PPFIA2: variants seen among roughly 807,000 people sequenced by gnomAD.
PPFIA2 encodes PPFI scaffold protein A2, also known as liprin-alpha-2.
Under a neutral mutation model 175.5 loss-of-function variants are expected in PPFIA2, and 46 were observed. That is an observed-to-expected ratio of 0.26 (90% CI 0.21 to 0.34). PPFIA2 has a LOEUF of 0.34. Among genes scored for constraint, PPFIA2 ranks in the 10% least tolerant of loss-of-function variants. The pLI is 1.00. For missense variants in PPFIA2, 1,179 were observed against 1,506.1 expected (o/e 0.78, Z 3.60); for synonymous variants, 568 against 511.4 (o/e 1.11, Z -1.49).
At chr12:81,620,029 G>A (rs947239105) in intron 4 of PPFIA2, among the ~76,000 whole-genome samples, 7 of 151,654 alleles carry the variant, frequency 4.6e-5, no homozygotes, top group Non-Finnish European at 1.0e-4. Context: ...GCGTGATGGC[G>A]GGTGCCTGTA....
intron 8 of PPFIA2, among the ~76,000 whole-genome samples, chr12:81,398,911 C>T (rs2041652452): frequency 6.6e-6 from 1 of 151,922 alleles, no homozygotes; most frequent in African/African-American, 2.4e-5. Context: ...AAAAATTGTA[C>T]ACAACAATAT....
intron 4 of PPFIA2, among the ~76,000 whole-genome samples, chr12:81,631,627 G>A (rs1207116264): frequency 6.6e-6 from 1 of 152,146 alleles, no homozygotes; most frequent in Non-Finnish European, 1.5e-5. Flanking sequence ...TCTAACTCAA[G>A]AATTCTAGAA....
chr12:81,602,736 T>C (rs185165844), intron 4 of PPFIA2, among the ~76,000 whole-genome samples: 152 of 151,914 alleles, frequency 1.0e-3, no homozygotes, highest in African/African-American at 3.3e-3. Flanking sequence ...ACAGTTAAGA[T>C]TCATGAGAAA....
intron 4 of PPFIA2, chr12:81,472,675 A>C (rs1345680773): frequency 6.6e-6 from 1 of 152,212 alleles, no homozygotes; most frequent in Non-Finnish European, 1.5e-5. Context: ...TTCTTTTAAC[A>C]TCAATAGCAT....
chr12:81,675,028 T>A (rs1193858604), intron 4 of PPFIA2, among the ~76,000 whole-genome samples: 1 of 151,964 alleles, frequency 6.6e-6, no homozygotes, highest in East Asian at 1.9e-4. Context: ...TACAAAATGT[T>A]ATAAAATAAG....
chr12:81,409,597 T>C (rs2043547509), intron 7 of PPFIA2, among the ~76,000 whole-genome samples: 1 of 152,154 alleles, frequency 6.6e-6, no homozygotes, highest in Admixed American at 6.6e-5. Context: ...GCCAGTGTCA[T>C]GCCTTGGACT....
intron 3 of PPFIA2, among the ~76,000 whole-genome samples, chr12:81,742,847 T>C (rs895306231): frequency 3.6e-4 from 55 of 152,240 alleles, no homozygotes; most frequent in African/African-American, 1.3e-3. Context: ...TGGGCTATCC[T>C]AATGCCAAAT....
chr12:81,493,205 G>C (rs1242939067), intron 4 of PPFIA2, among the ~76,000 whole-genome samples: 2 of 152,022 alleles, frequency 1.3e-5, no homozygotes, highest in Non-Finnish European at 2.9e-5. Context: ...TCTGGAGTTT[G>C]GGAGAAGGGT....
intron 3 of PPFIA2, among the ~76,000 whole-genome samples, chr12:81,698,817 T>C (rs965870870): frequency 2.6e-5 from 4 of 151,698 alleles, no homozygotes; most frequent in African/African-American, 9.7e-5. Context: ...AACAAAAAGG[T>C]TCATTGATTT....
Position 81,268,684 on chromosome 12 carries a change from A to T in PPFIA2, c.3311-597T>A, listed in dbSNP as rs11831628. Among the ~76,000 whole-genome samples, 369 of 152,324 alleles carry T rather than the reference A, an allele frequency of 2.4e-3. 2 individuals are homozygous for T. Among genetic ancestry groups the T allele is most frequent in the African/African-American group, 8.6e-3 (357 of 41,570 alleles). ...CGATGTCTGTGTTTCTTGTTTTCAT[A>T]CTAGAGAACTAGGTGTCTGTCTGAA... On this transcript the variant is annotated intron_variant, in intron 28 of 32. Transcript: ENST00000549396.
chr12:81,495,227 T>C (rs1323186275), intron 4 of PPFIA2, among the ~76,000 whole-genome samples: 1 of 152,144 alleles, frequency 6.6e-6, no homozygotes, highest in African/African-American at 2.4e-5. Flanking sequence ...ATCTAAAATT[T>C]GTTATTCTAT....
chr12:81,297,764 C>A (rs1253981815), intron 23 of PPFIA2, among the ~76,000 whole-genome samples: 1 of 152,018 alleles, frequency 6.6e-6, no homozygotes, highest in Non-Finnish European at 1.5e-5. Flanking sequence ...CATAATTAGA[C>A]CTTAAAGAGT....
intron 4 of PPFIA2, among the ~76,000 whole-genome samples, chr12:81,582,546 T>C (rs1198809359): frequency 1.3e-5 from 2 of 151,792 alleles, no homozygotes; most frequent in African/African-American, 2.4e-5. Context: ...GTTTAGCTTA[T>C]AAAAAACACT....
chr12:81,395,953 T>G (rs1021662455), intron 8 of PPFIA2, among the ~76,000 whole-genome samples: 1 of 152,048 alleles, frequency 6.6e-6, no homozygotes, highest in African/African-American at 2.4e-5. Context: ...TAAATGGCAG[T>G]TATATCCATA....
chr12:81,592,890 T>C (rs2058831060), intron 4 of PPFIA2, among the ~76,000 whole-genome samples: 1 of 151,204 alleles, frequency 6.6e-6, no homozygotes, highest in African/African-American at 2.4e-5. Context: ...CAAGTAGCTT[T>C]GACCACAGGT....
chr12:81,720,705 C>G (rs2079199669), intron 3 of PPFIA2, among the ~76,000 whole-genome samples: 2 of 151,346 alleles, frequency 1.3e-5, no homozygotes, highest in Non-Finnish European at 3.0e-5. Context: ...TGTACAAACA[C>G]CTTATCAATT....
intron 4 of PPFIA2, among the ~76,000 whole-genome samples, chr12:81,508,101 C>T (rs1302048648): frequency 6.6e-6 from 1 of 152,084 alleles, no homozygotes; most frequent in Non-Finnish European, 1.5e-5. Context: ...GGGGCATTAA[C>T]TTTATTATAG....
intron 4 of PPFIA2, among the ~76,000 whole-genome samples, chr12:81,479,973 G>A (rs1443958850): frequency 6.6e-6 from 1 of 152,130 alleles, no homozygotes; most frequent in Non-Finnish European, 1.5e-5. Context: ...GGTTGGGGAA[G>A]TTCTCCTGGA....
intron 32 of PPFIA2, 147 bp from the exon 33 acceptor site, chr12:81,259,807 C>T (rs2034754245): frequency 5.3e-6 from 3 of 566,982 alleles, no homozygotes; most frequent in Non-Finnish European, 3.0e-6. Flanking sequence ...ATGTAGCCAA[C>T]AGCCGTATGT....
Sources: allele counts gnomAD v4.1 joint callset (sites outside exome capture counted in the v4.1 genomes callset), GRCh38; gene constraint gnomAD v4.1.1; transcripts MANE v1.5; gene names NCBI Gene and HGNC (gene_info 2026-07-23, HGNC 2026-07-21).